The following SEMA3E variants were observed in gnomAD, a reference collection of about 807,000 sequenced individuals.
The protein encoded by SEMA3E is semaphorin 3E, also known as semaphorin-3E.
In SEMA3E, 49 loss-of-function variants were observed where a neutral mutation model predicts 93.6. The ratio of observed to expected loss-of-function variants is 0.52; its 90% CI spans 0.42 to 0.66. The LOEUF (loss-of-function observed/expected upper bound fraction) is 0.66, where lower values mean the gene tolerates loss of function less well. Among genes scored for constraint, SEMA3E ranks in the 30% least tolerant of loss-of-function variants. The pLI, the probability that SEMA3E is intolerant of heterozygous loss-of-function variation, is 0.00. For missense variants in SEMA3E, 906 were observed against 964.8 expected (o/e 0.94, Z 0.81); for synonymous variants, 363 against 330.7 (o/e 1.10, Z -1.06).
At chr7:83,507,448 G>A (rs566855196) in intron 1 of SEMA3E, among the ~76,000 whole-genome samples, 2 of 149,578 alleles carry the variant, frequency 1.3e-5, no homozygotes, top group East Asian at 3.9e-4. Context: ...GTGTGTGTGT[G>A]TGTGTGTGTG....
At chr7:83,390,919 A>G (rs1261857889) in intron 14 of SEMA3E, among the ~76,000 whole-genome samples, 1 of 152,208 alleles carries the variant, frequency 6.6e-6, no homozygotes, top group African/African-American at 2.4e-5. Flanking sequence ...AAAATTAACT[A>G]TGGAAACTGC....
intron 2 of SEMA3E, among the ~76,000 whole-genome samples, chr7:83,471,741 A>C (rs1406449746): frequency 6.6e-6 from 1 of 152,178 alleles, no homozygotes; most frequent in African/African-American, 2.4e-5. Context: ...AATGAAGTAT[A>C]CTCTTGCAGA....
At chr7:83,453,340 T>A (rs147165977) in intron 4 of SEMA3E, among the ~76,000 whole-genome samples, 1 of 151,912 alleles carries the variant, frequency 6.6e-6, no homozygotes, top group African/African-American at 2.4e-5. Context: ...GTAGCTACTA[T>A]GTTAGTGTAA....
At chr7:83,585,890 T>C (rs1792616395) in intron 1 of SEMA3E, among the ~76,000 whole-genome samples, 3 of 152,152 alleles carry the variant, frequency 2.0e-5, no homozygotes, top group Admixed American at 2.0e-4. Context: ...CCCTCATTTG[T>C]AGTGGGACCT....
Position 83,414,958 on chromosome 7 carries a change from G to A in SEMA3E, c.550+3432C>T, listed in dbSNP as rs186227671. ...AACTATGGGGGACTGTAACGTTACT[G>A]AAGATATTATCAACTTAATTAGAAT... On this transcript the variant is annotated intron_variant, in intron 5 of 16. Coordinates refer to ENST00000643230, the MANE Select transcript of SEMA3E (RefSeq NM_012431.3). Among the ~76,000 whole-genome samples the A allele has an allele frequency of 6.6e-3, 1,006 of 152,150 alleles. 12 individuals are homozygous for A. The highest frequency in any genetic ancestry group is 0.03 in the Admixed American group (457 of 15,256).
intron 1 of SEMA3E, among the ~76,000 whole-genome samples, chr7:83,523,215 G>A (rs943892371): frequency 5.9e-5 from 9 of 152,070 alleles, no homozygotes; most frequent in African/African-American, 2.2e-4. Flanking sequence ...TGGTATTAAG[G>A]ACTGAGAGGT....
At chr7:83,569,252 A>G (rs371802639) in intron 1 of SEMA3E, among the ~76,000 whole-genome samples, 141 of 152,276 alleles carry the variant, frequency 9.3e-4, no homozygotes, top group African/African-American at 3.2e-3. Context: ...AACAAATGGA[A>G]AGATATCCCA....
chr7:83,507,370 T>C (rs1331050358), intron 1 of SEMA3E, among the ~76,000 whole-genome samples: 4 of 151,800 alleles, frequency 2.6e-5, no homozygotes, highest in African/African-American at 9.7e-5. Flanking sequence ...GATATAATTC[T>C]TCACAGTGCT....
At chr7:83,455,189 C>T (rs1053273863) in intron 4 of SEMA3E, among the ~76,000 whole-genome samples, 1 of 152,102 alleles carries the variant, frequency 6.6e-6, no homozygotes, top group Admixed American at 6.6e-5. Flanking sequence ...TAAATATGCT[C>T]TAAATAAATA....
intron 4 of SEMA3E, among the ~76,000 whole-genome samples, chr7:83,443,399 T>C (rs1789158769): frequency 6.6e-6 from 1 of 152,100 alleles, no homozygotes; most frequent in Non-Finnish European, 1.5e-5. Context: ...ATGAACTGGC[T>C]TAGGTCACAG....
chr7:83,369,171 C>T (rs1484705145), intron 16 of SEMA3E, among the ~76,000 whole-genome samples: 1 of 151,972 alleles, frequency 6.6e-6, no homozygotes, highest in East Asian at 1.9e-4. Flanking sequence ...TTTGAGAATA[C>T]AAAAATGAAA....
At chr7:83,408,551 T>C in intron 5 of SEMA3E, 64 bp from the exon 6 acceptor site, 1 of 1,518,810 alleles carries the variant, frequency 6.6e-7, no homozygotes, top group Non-Finnish European at 9.1e-7. Context: ...ATTAAACACA[T>C]CCAAATTTAA....
In SEMA3E at chr7:83,594,753, A is replaced by G. The variant is rs142738691; in HGVS notation, c.115+53675T>C. On this transcript the variant is annotated intron_variant, in intron 1 of 16. Coordinates refer to ENST00000643230, the MANE Select transcript of SEMA3E (RefSeq NM_012431.3). ...GTCTGTATATTTAAACCATCTCCAC[A>G]TAGCTCAGCACCCCATCCTCAGCTC... 1.5e-3 allele frequency among the ~76,000 whole-genome samples: 226 copies of G among 152,162 alleles called. 3 individuals are homozygous for G. In the East Asian group the frequency reaches 0.04, roughly 27 times the overall value.
intron 13 of SEMA3E, among the ~76,000 whole-genome samples, chr7:83,393,475 G>A (rs754884254): frequency 3.3e-5 from 5 of 152,136 alleles, no homozygotes; most frequent in Admixed American, 6.6e-5. Flanking sequence ...TCTGCAGTGA[G>A]CTGTAATTGC....
chr7:83,454,272 A>AAATATATATATATATATATAT (rs1257792756), intron 4 of SEMA3E, among the ~76,000 whole-genome samples: 5 of 110,110 alleles, frequency 4.5e-5, no homozygotes, highest in African/African-American at 2.2e-4. Context: ...AAAAAAAAAA[A>AAATATATATATATATATATAT]ATATATATAT....
At position 83,389,248 on chromosome 7, in the gene SEMA3E, G is replaced by T. The variant is rs140804729; in HGVS notation, c.1668-2198C>A. 7.8e-4 allele frequency among the ~76,000 whole-genome samples: 119 copies of T among 152,176 alleles called. 1 individual carries two copies. The highest frequency in any genetic ancestry group is 2.6e-3 in the African/African-American group (110 of 41,532). ...TCAAGATGAGAATTAAAATGCTGTT[G>T]TTAATCCCTCACTTTGTTGAGTATT... On this transcript the variant is annotated intron_variant, in intron 14 of 16. Coordinates refer to ENST00000643230, the MANE Select transcript of SEMA3E (RefSeq NM_012431.3).
intron 5 of SEMA3E, among the ~76,000 whole-genome samples, chr7:83,415,734 T>G (rs1203726793): frequency 6.6e-6 from 1 of 152,148 alleles, no homozygotes; most frequent in East Asian, 1.9e-4. Context: ...AGCACCATTT[T>G]TTTTTAGGTC....
At chr7:83,617,582 T>A (rs190422573) in intron 1 of SEMA3E, among the ~76,000 whole-genome samples, 1,268 of 113,878 alleles carry the variant, frequency 0.011, 28 homozygotes, top group African/African-American at 0.042. Context: ...AAGTAATATA[T>A]AATTTTATAT....
intron 14 of SEMA3E, among the ~76,000 whole-genome samples, chr7:83,391,805 A>G (rs1196510605): frequency 2.6e-5 from 4 of 152,188 alleles, no homozygotes; most frequent in African/African-American, 9.6e-5. Flanking sequence ...AAATTAATAC[A>G]AACTGTTTTT....
Sources: gnomAD v4.1 joint callset for allele counts (sites outside exome capture counted in the v4.1 genomes callset) on GRCh38, gnomAD v4.1.1 for gene constraint, MANE v1.5 for transcripts, NCBI Gene and HGNC (gene_info 2026-07-23, HGNC 2026-07-21) for gene names.